The following ACSF3 variants were observed in gnomAD, a reference collection of about 807,000 sequenced individuals.
The protein encoded by ACSF3 is malonate--CoA ligase ACSF3, mitochondrial.
In ACSF3, 78 loss-of-function variants were observed where a neutral mutation model predicts 53.2. The observed-to-expected ratio is 1.47, with a 90% CI of 1.22 to 1.77. The LOEUF is 1.77. Ranked by LOEUF, ACSF3 falls within the 40% of genes most tolerant of loss-of-function variation. ACSF3 has a pLI of 0.00. For synonymous variants in ACSF3, 414 were observed against 333.1 expected (o/e 1.24, Z -2.65); for missense variants, 937 against 771.1 (o/e 1.22, Z -2.55).
intron 7 of ACSF3, among the ~76,000 whole-genome samples, chr16:89,124,340 C>T (rs913252594): frequency 1.3e-5 from 2 of 152,012 alleles, no homozygotes; most frequent in Admixed American, 6.5e-5. Flanking sequence ...TTGCACACTA[C>T]ATGTATGTGT....
At chr16:89,139,861 G>A (rs566803394) in intron 8 of ACSF3, among the ~76,000 whole-genome samples, 154 of 152,212 alleles carry the variant, frequency 1.0e-3, no homozygotes, top group Non-Finnish European at 1.9e-3. Context: ...CCAAAGTGCT[G>A]GAATTACAGG....
intron 1 of ACSF3, among the ~76,000 whole-genome samples, chr16:89,095,622 T>C (rs950943689): frequency 2.6e-4 from 39 of 149,786 alleles, no homozygotes; most frequent in Non-Finnish European, 4.3e-4. Flanking sequence ...GTGTCAGGTG[T>C]GGTGGTGAAC....
Position 89,133,148 on chromosome 16 carries a change from T to A in ACSF3, c.1252T>A (p.Phe418Ile). Reference protein sequence around the residue: ...DERGTKVTPGFEEKEGELLVR... With the variant: ...DERGTKVTPGIEEKEGELLVR... Reference sequence around the variant, plus strand: ...TCATCCTCCACAGGTGACCCCAGGGTTTGAAGAAAAGGAGGGGGAGCTGCT... The same window carrying A: ...TCATCCTCCACAGGTGACCCCAGGGATTGAAGAAAAGGAGGGGGAGCTGCT... Residue 418 changes from phenylalanine to isoleucine, a missense_variant, in exon 8 of 11, where the codon TTT (phenylalanine) becomes ATT (isoleucine). Transcript: ENST00000614302. 2 of 1,613,742 alleles carry A rather than the reference T, an allele frequency of 1.2e-6. No individual in the cohort carries two copies. Among genetic ancestry groups the A allele is most frequent in the Non-Finnish European group, 1.7e-6 (2 of 1,179,986 alleles).
intron 1 of ACSF3, among the ~76,000 whole-genome samples, chr16:89,094,943 G>A (rs1323861459): frequency 6.6e-6 from 1 of 152,232 alleles, no homozygotes; most frequent in African/African-American, 2.4e-5. Flanking sequence ...AACTGGGCTT[G>A]GAAGAATGAT....
intron 7 of ACSF3, among the ~76,000 whole-genome samples, chr16:89,126,386 A>G (rs1177018646): frequency 1.3e-5 from 2 of 152,136 alleles, no homozygotes; most frequent in East Asian, 1.9e-4. Flanking sequence ...CTCATGCCTC[A>G]GCCTCCCCAG....
At position 89,154,114 on chromosome 16, in the gene ACSF3, G is replaced by A. The variant is rs1914447521; in HGVS notation, c.1638G>A (p.Val546=). The A allele has an allele frequency of 9.9e-6, 16 of 1,613,120 alleles. No homozygotes were observed. Among genetic ancestry groups the A allele is most frequent in the Non-Finnish European group, 1.1e-5 (13 of 1,179,690 alleles). The change falls in exon 11 of 11, where the codon GTG becomes GTA. Residue 546 remains valine, a synonymous_variant. Transcript: ENST00000614302. ...GAAATGTCCTGGCCCCGTACGCGGT[G>A]CCCTCGGAGCTGGTGCTGGTGGAGG... ...WARNVLAPYA[V]PSELVLVEEI...
At chr16:89,106,838 C>T (rs1156598690) in intron 4 of ACSF3, among the ~76,000 whole-genome samples, 1 of 152,196 alleles carries the variant, frequency 6.6e-6, no homozygotes, top group Non-Finnish European at 1.5e-5. Flanking sequence ...TCAAGTCATC[C>T]TGCACAGAGG....
intron 3 of ACSF3, chr16:89,102,290 G>T: frequency 2.3e-6 from 1 of 428,232 alleles, no homozygotes; most frequent in South Asian, 2.1e-5. Flanking sequence ...CTGAGTCCCA[G>T]GCTTGGGCAG....
rs760572443 is a variant in ACSF3 at position 89,112,167 on chromosome 16, C to T, written c.898C>T (p.Leu300=). ...FMAVPTIYTK[L]MEYYDRHFTQ... ...GGCAGTGCCTACAATATACACCAAG[C>T]TGATGGAGTACTACGACAGGCATTT... Residue 300 remains leucine, a synonymous_variant, in exon 5 of 11, where the codon CTG becomes TTG. Coordinates refer to ENST00000614302, the MANE Select transcript of ACSF3 (RefSeq NM_001243279.3). The T allele has an allele frequency of 4.3e-6, 7 of 1,614,242 alleles. No homozygotes were observed. Among genetic ancestry groups the T allele is most frequent in the Non-Finnish European group, 5.9e-6 (7 of 1,180,046 alleles).
At chr16:89,119,676 C>T (rs1321950316) in intron 6 of ACSF3, among the ~76,000 whole-genome samples, 1 of 152,178 alleles carries the variant, frequency 6.6e-6, no homozygotes, top group Non-Finnish European at 1.5e-5. Context: ...AGGTTCGGGG[C>T]GTCTGCATAC....
Position 89,093,899 on chromosome 16 carries a change from C to T in ACSF3, c.-291C>T, listed in dbSNP as rs1384444418. The T allele has an allele frequency of 9.2e-6, 3 of 325,414 alleles. No homozygotes were observed. Among genetic ancestry groups the T allele is most frequent in the East Asian group, 3.1e-4 (2 of 6,374 alleles). The allele number at this position is 325,414 out of a possible 1,614,324, so 20.2% of individuals were successfully genotyped here. On this transcript the variant is annotated 5_prime_UTR_variant, in exon 1 of 11. Coordinates refer to ENST00000614302, the MANE Select transcript of ACSF3 (RefSeq NM_001243279.3). ...GCCCGACTCACGACCCCGCGGGACCCGGCCGGAACCCGGCCCGACCCCGGC... is the reference window on the plus strand; with the variant it reads ...GCCCGACTCACGACCCCGCGGGACCTGGCCGGAACCCGGCCCGACCCCGGC...
chr16:89,098,146 C>T (rs1284833939), intron 1 of ACSF3, among the ~76,000 whole-genome samples: 4 of 152,210 alleles, frequency 2.6e-5, no homozygotes, highest in Non-Finnish European at 1.5e-5. Flanking sequence ...AAACCAAGGC[C>T]AGTAGTTGAG....
chr16:89,098,802 G>C (rs1380963174), intron 2 of ACSF3, 39 bp downstream of exon 2: 6 of 454,106 alleles, frequency 1.3e-5, no homozygotes, highest in Admixed American at 2.3e-5. Context: ...TTCTGTGTGC[G>C]AACAAGTGGT....
intron 8 of ACSF3, among the ~76,000 whole-genome samples, chr16:89,140,550 C>T (rs150980937): frequency 1.3e-5 from 2 of 152,168 alleles, no homozygotes; most frequent in African/African-American, 4.8e-5. Context: ...AGCAAAAGTC[C>T]GACAGGCTGG....
intron 6 of ACSF3, among the ~76,000 whole-genome samples, chr16:89,117,968 CCAAGGACAT>C (rs1905539897): frequency 1.1e-4 from 12 of 111,480 alleles, no homozygotes; most frequent in African/African-American, 4.1e-4. Flanking sequence ...CCCTCAGGCG[CCAAGGACAT>C]TCCCTCTTCT....
chr16:89,115,043 G>A (rs777264728), intron 6 of ACSF3: 10 of 225,384 alleles, frequency 4.4e-5, no homozygotes, highest in Non-Finnish European at 7.2e-5. Flanking sequence ...AACCATTTGA[G>A]CCCTGGGTCC....
At chr16:89,107,904 CTGA>C (rs1295827078) in intron 4 of ACSF3, among the ~76,000 whole-genome samples, 1 of 152,172 alleles carries the variant, frequency 6.6e-6, no homozygotes. Flanking sequence ...GTGCACACTA[CTGA>C]TAAAGACATA....
intron 9 of ACSF3, 78 bp downstream of exon 9, chr16:89,145,479 G>T: frequency 1.9e-6 from 3 of 1,561,826 alleles, no homozygotes; most frequent in South Asian, 2.3e-5. Context: ...GACGACTGCA[G>T]ATGAGTCGAC....
At position 89,100,797 on chromosome 16, in the gene ACSF3, G is replaced by A. The variant is rs144711526; in HGVS notation, c.116G>A (p.Arg39His). ...CTTCTGCACACAGCCCCAGTGGCCC[G>A]CTCGGACAGGAGCGCCCCGGTGTTC... ...SGLLHTAPVA[R>H]SDRSAPVFTR... Residue 39 changes from arginine (R) to histidine (H), a missense_variant, in exon 3 of 11, where the codon CGC becomes CAC. By Grantham distance (29) the Arg-to-His change is conservative. Transcript: ENST00000614302. 20 of 1,612,106 alleles carry A rather than the reference G, an allele frequency of 1.2e-5. No homozygotes were observed. The highest frequency in any genetic ancestry group is 8.0e-5 in the African/African-American group (6 of 74,942).
Sources: gnomAD v4.1 joint callset for allele counts (sites outside exome capture counted in the v4.1 genomes callset) on GRCh38, gnomAD v4.1.1 for gene constraint, MANE v1.5 for transcripts, NCBI Gene and HGNC (gene_info 2026-07-23, HGNC 2026-07-21) for gene names.